The following ZNF609 variants were observed in gnomAD, a reference collection of about 807,000 sequenced individuals.
ZNF609 encodes the protein zinc finger protein 609.
A neutral mutation model predicts 109.5 loss-of-function variants in ZNF609; 11 were observed. The ratio of observed to expected loss-of-function variants is 0.10; its 90% CI spans 0.06 to 0.17. ZNF609 has a LOEUF of 0.17. ZNF609 is among the 10% of genes least tolerant of loss of function. The pLI is 1.00. For missense variants in ZNF609, 1,559 were observed against 1,772.4 expected, an observed-to-expected ratio of 0.88 and a Z score of 2.16; for synonymous variants, 646 against 662.0, an observed-to-expected ratio of 0.98 and a Z score of 0.37.
At chr15:64,681,188 C>A in intron 8 of ZNF609, 121 bp from the exon 9 acceptor site, 1 of 865,630 alleles carries the variant, frequency 1.2e-6, no homozygotes, top group Non-Finnish European at 1.8e-6. Context: ...TATCTATCTC[C>A]AGCAAATATA....
intron 3 of ZNF609, among the ~76,000 whole-genome samples, chr15:64,644,300 T>A (rs1896300256): frequency 6.6e-6 from 1 of 151,886 alleles, no homozygotes. Context: ...CTGGTCAACA[T>A]ATAGCAAGAC....
chr15:64,631,559 T>A (rs762580099), intron 3 of ZNF609: 6 of 529,776 alleles, frequency 1.1e-5, no homozygotes, highest in African/African-American at 1.9e-5. Flanking sequence ...TTAGACGGAG[T>A]TTCGCTCTTG....
chr15:64,498,525 A>C (rs977039651), intron 1 of ZNF609, among the ~76,000 whole-genome samples: 5 of 152,156 alleles, frequency 3.3e-5, no homozygotes, highest in Admixed American at 2.6e-4. Context: ...TTTTTCATAG[A>C]GTAAACATTT....
intron 2 of ZNF609, among the ~76,000 whole-genome samples, chr15:64,609,090 TTCTTTCTTTC>T (rs1895666215): frequency 5.9e-5 from 2 of 33,778 alleles, no homozygotes; most frequent in African/African-American, 1.2e-4. Context: ...CTTTCTTTCT[TTCTTTCTTTC>T]TTTCTTTCTT....
chr15:64,539,849 C>A (rs1567009002), intron 2 of ZNF609, among the ~76,000 whole-genome samples: 2 of 151,742 alleles, frequency 1.3e-5, no homozygotes, highest in Non-Finnish European at 2.9e-5. Context: ...GTTGGCCAGG[C>A]TGGTCTCAAA....
chr15:64,526,765 G>A (rs962753136), intron 2 of ZNF609, among the ~76,000 whole-genome samples: 1 of 152,142 alleles, frequency 6.6e-6, no homozygotes, highest in African/African-American at 2.4e-5. Flanking sequence ...AGCCTTGCAA[G>A]TAGCTGGGAC....
chr15:64,523,989 G>A (rs1893930964), intron 2 of ZNF609, among the ~76,000 whole-genome samples: 1 of 150,566 alleles, frequency 6.6e-6, no homozygotes, highest in Non-Finnish European at 1.5e-5. Context: ...TTTTGGAAGA[G>A]GTTAGCTAGA....
At chr15:64,653,474 A>G (rs547222253) in intron 3 of ZNF609, among the ~76,000 whole-genome samples, 2 of 152,278 alleles carry the variant, frequency 1.3e-5, no homozygotes, top group South Asian at 4.1e-4. Context: ...GTGAAACCCC[A>G]TCTCTACTAA....
At chr15:64,605,210 C>A (rs1895574793) in intron 2 of ZNF609, among the ~76,000 whole-genome samples, 1 of 152,158 alleles carries the variant, frequency 6.6e-6, no homozygotes, top group Non-Finnish European at 1.5e-5. Context: ...TTTATTAGTC[C>A]TTCTAGCTTA....
intron 2 of ZNF609, among the ~76,000 whole-genome samples, chr15:64,593,965 A>G (rs1196667998): frequency 2.0e-5 from 3 of 152,252 alleles, no homozygotes; most frequent in African/African-American, 7.2e-5. Flanking sequence ...TGTTTGAGGA[A>G]GATGTAAACA....
At chr15:64,496,154 A>G (rs1283491113) in intron 1 of ZNF609, among the ~76,000 whole-genome samples, 1 of 152,082 alleles carries the variant, frequency 6.6e-6, no homozygotes, top group Non-Finnish European at 1.5e-5. Flanking sequence ...TTACTGGCAT[A>G]CTTTGTTTAT....
At chr15:64,649,693 C>T (rs1479594975) in intron 3 of ZNF609, among the ~76,000 whole-genome samples, 1 of 152,070 alleles carries the variant, frequency 6.6e-6, no homozygotes, top group Non-Finnish European at 1.5e-5. Flanking sequence ...GTTATCTCTT[C>T]TAATAAAGCA....
At chr15:64,642,670 C>T (rs1179634322) in intron 3 of ZNF609, among the ~76,000 whole-genome samples, 5 of 152,078 alleles carry the variant, frequency 3.3e-5, no homozygotes, top group African/African-American at 9.7e-5. Flanking sequence ...GGCACACTCC[C>T]GTAGTCCCAG....
intron 1 of ZNF609, among the ~76,000 whole-genome samples, chr15:64,495,025 GT>G (rs1406386299): frequency 6.6e-6 from 1 of 152,044 alleles, no homozygotes; most frequent in African/African-American, 2.4e-5. Flanking sequence ...ATCATCAGAT[GT>G]TTTTTTCGCC....
intron 2 of ZNF609, among the ~76,000 whole-genome samples, chr15:64,569,995 C>A (rs1356155454): frequency 6.6e-6 from 1 of 152,100 alleles, no homozygotes; most frequent in Non-Finnish European, 1.5e-5. Context: ...TCACATCTTA[C>A]AATATCTCTA....
chr15:64,678,329 C>T lies in ZNF609; in HGVS notation c.3616C>T (p.Pro1206Ser). The change falls in exon 6 of 10, where the codon CCC (proline) becomes TCC (serine). Residue 1206 changes from proline (P) to serine (S), a missense_variant. Around this residue, in one of 4 missense-constraint regions of ZNF609, gnomAD observed 1,204 missense variants for 1,314.1 expected, o/e 0.92. Coordinates refer to ENST00000326648, the MANE Select transcript of ZNF609 (RefSeq NM_015042.2). ...GGAGTCTCGCCTTGGGAGCAAGGAG[C>T]CCCGGCCAAGTGTCCATGTGCCTGT... ...SEESRLGSKE[P>S]RPSVHVPVSS... 1 of 1,614,088 alleles carries T rather than the reference C, an allele frequency of 6.2e-7. No individual in the cohort carries two copies. The highest frequency in any genetic ancestry group is 1.1e-5 in the South Asian group (1 of 91,090).
intron 3 of ZNF609, among the ~76,000 whole-genome samples, chr15:64,657,739 A>G (rs549483084): frequency 6.3e-4 from 96 of 152,360 alleles, no homozygotes; most frequent in African/African-American, 2.2e-3. Context: ...AGGTAAGTTA[A>G]TGAGGACTTA....
intron 2 of ZNF609, among the ~76,000 whole-genome samples, chr15:64,556,372 A>T (rs948879485): frequency 3.3e-5 from 5 of 150,412 alleles, no homozygotes; most frequent in Admixed American, 2.6e-4. Flanking sequence ...GTCTCAAGTG[A>T]TCTTCCCGCC....
intron 2 of ZNF609, among the ~76,000 whole-genome samples, chr15:64,518,911 G>A (rs945517504): frequency 6.6e-6 from 1 of 152,060 alleles, no homozygotes; most frequent in African/African-American, 2.4e-5. Context: ...GTTTTGAGGT[G>A]CTTGCACTGC....
Sources: gnomAD v4.1 joint callset for allele counts (sites outside exome capture counted in the v4.1 genomes callset) on GRCh38, gnomAD v4.1.1 for gene constraint, gnomAD v4.1.1 regional missense constraint, MANE v1.5 for transcripts, NCBI Gene and HGNC (gene_info 2026-07-23, HGNC 2026-07-21) for gene names.